The following DPP10 variants were observed in gnomAD, a reference collection of about 807,000 sequenced individuals.
DPP10 encodes the protein dipeptidyl peptidase like 10.
Under a neutral mutation model 120.9 loss-of-function variants are expected in DPP10, and 33 were observed. The observed-to-expected ratio is 0.27, with a 90% CI of 0.21 to 0.37. The LOEUF (loss-of-function observed/expected upper bound fraction) is 0.37, where lower values mean the gene tolerates loss of function less well. DPP10 is among the 10% of genes least tolerant of loss of function. The probability of loss-of-function intolerance (pLI) is 1.00; values close to 1 mark genes in which losing one functional copy is unlikely to be tolerated. For synonymous variants in DPP10, 337 were observed against 326.1 expected (o/e 1.03, Z -0.36); for missense variants, 816 against 942.8 (o/e 0.87, Z 1.76).
chr2:114,868,975 G>T (rs1330459945), intron 1 of DPP10, among the ~76,000 whole-genome samples: 1 of 151,976 alleles, frequency 6.6e-6, no homozygotes. Flanking sequence ...AGGGCAGGAG[G>T]GTTAAAAAAG....
intron 7 of DPP10, among the ~76,000 whole-genome samples, chr2:115,695,209 G>T (rs756541680): frequency 6.6e-6 from 1 of 152,160 alleles, no homozygotes; most frequent in Non-Finnish European, 1.5e-5. Flanking sequence ...GCTTACAAAA[G>T]ATCTGAGAAG....
At chr2:115,666,998 T>G (rs2089506985) in intron 5 of DPP10, among the ~76,000 whole-genome samples, 2 of 152,164 alleles carry the variant, frequency 1.3e-5, no homozygotes, top group African/African-American at 4.8e-5. Context: ...CCTTTTGCCT[T>G]TCACCATGAT....
At chr2:115,351,412 T>G (rs1391465075) in intron 3 of DPP10, among the ~76,000 whole-genome samples, 2 of 152,020 alleles carry the variant, frequency 1.3e-5, no homozygotes, top group Non-Finnish European at 2.9e-5. Flanking sequence ...AAAAACTTCC[T>G]TTTGGGTACT....
chr2:114,889,213 T>C (rs1692334027), intron 1 of DPP10, among the ~76,000 whole-genome samples: 1 of 152,206 alleles, frequency 6.6e-6, no homozygotes, highest in Non-Finnish European at 1.5e-5. Flanking sequence ...TGTTCAAGAC[T>C]TGCAGTCATG....
chr2:115,462,808 C>A (rs1435172691), intron 3 of DPP10, among the ~76,000 whole-genome samples: 1 of 152,138 alleles, frequency 6.6e-6, no homozygotes, highest in African/African-American at 2.4e-5. Context: ...CAGCTCACTG[C>A]AACCTCTGCC....
intron 1 of DPP10, among the ~76,000 whole-genome samples, chr2:114,486,507 G>A (rs560557500): frequency 6.6e-5 from 10 of 152,106 alleles, no homozygotes; most frequent in Non-Finnish European, 1.3e-4. Context: ...TTTGAAGAAG[G>A]CAATTTAATG....
intron 1 of DPP10, among the ~76,000 whole-genome samples, chr2:115,238,259 G>T (rs1244091761): frequency 6.6e-6 from 1 of 152,112 alleles, no homozygotes; most frequent in African/African-American, 2.4e-5. Flanking sequence ...AACAAACCCT[G>T]GATGATAGTA....
intron 1 of DPP10, among the ~76,000 whole-genome samples, chr2:114,491,537 C>T (rs1682001683): frequency 6.6e-6 from 1 of 152,188 alleles, no homozygotes; most frequent in Non-Finnish European, 1.5e-5. Context: ...TCCAGTTTGT[C>T]ACACACATCT....
intron 1 of DPP10, among the ~76,000 whole-genome samples, chr2:114,859,911 G>A (rs1291366557): frequency 1.3e-5 from 2 of 152,136 alleles, no homozygotes; most frequent in Non-Finnish European, 2.9e-5. Flanking sequence ...TGCATCATCT[G>A]GGGATCCTAT....
At chr2:114,953,589 A>G (rs1697957708) in intron 1 of DPP10, among the ~76,000 whole-genome samples, 1 of 152,094 alleles carries the variant, frequency 6.6e-6, no homozygotes, top group African/African-American at 2.4e-5. Context: ...GAAGGTCTCC[A>G]CGTGCCTACT....
chr2:115,233,172 A>T (rs1331593671), intron 1 of DPP10, among the ~76,000 whole-genome samples: 2 of 151,674 alleles, frequency 1.3e-5, no homozygotes, highest in Admixed American at 6.6e-5. Flanking sequence ...ATGATCTTTC[A>T]TCTAAATTAG....
At chr2:114,449,066 G>T (rs1373039855) in intron 1 of DPP10, among the ~76,000 whole-genome samples, 1 of 152,110 alleles carries the variant, frequency 6.6e-6, no homozygotes, top group African/African-American at 2.4e-5. Flanking sequence ...TTGGTTTGGG[G>T]CCATCTGGTA....
chr2:115,662,237 A>G (rs548229023), intron 5 of DPP10, among the ~76,000 whole-genome samples: 1 of 152,196 alleles, frequency 6.6e-6, no homozygotes, highest in Admixed American at 6.5e-5. Flanking sequence ...GCATTTATAA[A>G]CCACACCTTC....
chr2:115,292,324 GATTTT>G (rs1055747040), intron 1 of DPP10, among the ~76,000 whole-genome samples: 2 of 151,954 alleles, frequency 1.3e-5, no homozygotes, highest in Non-Finnish European at 2.9e-5. Flanking sequence ...AAACTCTTTT[GATTTT>G]ATTTTAGAAC....
At chr2:115,628,264 G>A (rs1575381526) in intron 5 of DPP10, among the ~76,000 whole-genome samples, 1 of 152,136 alleles carries the variant, frequency 6.6e-6, no homozygotes, top group East Asian at 1.9e-4. Context: ...TTTCTCAATT[G>A]ATCAGTGATG....
intron 1 of DPP10, among the ~76,000 whole-genome samples, chr2:115,000,583 C>T (rs1286962817): frequency 1.3e-5 from 2 of 152,134 alleles, no homozygotes; most frequent in Non-Finnish European, 2.9e-5. Context: ...CTCCATTGCT[C>T]ATAAAACCCA....
chr2:114,916,516 G>A (rs940530955), intron 1 of DPP10, among the ~76,000 whole-genome samples: 1 of 151,908 alleles, frequency 6.6e-6, no homozygotes, highest in African/African-American at 2.4e-5. Context: ...ACAGACACAA[G>A]AACAACAGCA....
intron 1 of DPP10, among the ~76,000 whole-genome samples, chr2:114,885,056 G>T (rs1016901752): frequency 6.6e-5 from 10 of 152,102 alleles, no homozygotes; most frequent in African/African-American, 2.4e-4. Flanking sequence ...GCTGCCCCTT[G>T]GTATTTGGCT....
intron 1 of DPP10, among the ~76,000 whole-genome samples, chr2:114,683,911 C>T (rs903709319): frequency 6.6e-6 from 1 of 151,954 alleles, no homozygotes; most frequent in African/African-American, 2.4e-5. Context: ...TCCAAACTCG[C>T]TGTTTAAGTA....
Sources: gnomAD v4.1 joint callset for allele counts (sites outside exome capture counted in the v4.1 genomes callset) on GRCh38, gnomAD v4.1.1 for gene constraint, MANE v1.5 for transcripts, NCBI Gene and HGNC (gene_info 2026-07-23, HGNC 2026-07-21) for gene names.